Variants in TEX9 observed in about 807,000 individuals in gnomAD.
TEX9 encodes the protein testis expressed 9.
Under a neutral mutation model 59.6 loss-of-function variants are expected in TEX9, and 74 were observed. The observed-to-expected ratio is 1.24, with a 90% confidence interval of 1.03 to 1.51. The LOEUF (loss-of-function observed/expected upper bound fraction) is 1.51, where lower values mean the gene tolerates loss of function less well. Among genes scored for constraint, TEX9 ranks in the 40% most tolerant of loss-of-function variants. The probability of loss-of-function intolerance (pLI) is 0.00; values close to 1 mark genes in which losing one functional copy is unlikely to be tolerated. For synonymous variants in TEX9, 186 were observed against 152.2 expected, an observed-to-expected ratio of 1.22 and a Z score of -1.64; for missense variants, 522 against 447.8, an observed-to-expected ratio of 1.17 and a Z score of -1.49.
At chr15:56,426,626 T>TATATATATATACACAC (rs1214988827) in intron 10 of TEX9, among the ~76,000 whole-genome samples, 35 of 47,172 alleles carry the variant, frequency 7.4e-4, no homozygotes, top group Non-Finnish European at 1.6e-3. Context: ...TATATATATA[T>TATATATATATACACAC]ACACACACAC....
intron 2 of TEX9, among the ~76,000 whole-genome samples, chr15:56,371,550 C>T (rs1376609937): frequency 6.6e-6 from 1 of 151,642 alleles, no homozygotes; most frequent in Non-Finnish European, 1.5e-5. Flanking sequence ...TTTCCCTTTC[C>T]TCACATCTGC....
intron 1 of TEX9, among the ~76,000 whole-genome samples, chr15:56,318,984 G>A (rs570111692): frequency 6.6e-6 from 1 of 151,914 alleles, no homozygotes; most frequent in Admixed American, 6.6e-5. Flanking sequence ...CATCCATACT[G>A]TATTAAAGGT....
intron 12 of TEX9, chr15:56,443,976 C>G: frequency 1.3e-6 from 1 of 748,336 alleles, no homozygotes; most frequent in Non-Finnish European, 2.0e-6. Flanking sequence ...ATGCAACAAA[C>G]ATTTTGAATG....
chr15:56,256,561 G>C (rs1368233089), intron 1 of TEX9, among the ~76,000 whole-genome samples: 2 of 151,904 alleles, frequency 1.3e-5, no homozygotes, highest in Non-Finnish European at 2.9e-5. Context: ...AAAATGTTGG[G>C]GGTTGGGGTG....
intron 7 of TEX9, among the ~76,000 whole-genome samples, chr15:56,392,502 T>A (rs1268674720): frequency 6.6e-6 from 1 of 152,106 alleles, no homozygotes; most frequent in Non-Finnish European, 1.5e-5. Context: ...CATGATCCAT[T>A]CACCTCCCAC....
intron 1 of TEX9, among the ~76,000 whole-genome samples, chr15:56,302,494 T>G (rs1447202786): frequency 6.6e-6 from 1 of 152,014 alleles, no homozygotes; most frequent in Non-Finnish European, 1.5e-5. Context: ...GCACTCCAGC[T>G]TTGATAACAG....
At chr15:56,450,158 C>T (rs1285251166), downstream of TEX9, among the ~76,000 whole-genome samples, 2 of 152,122 alleles carry the variant, frequency 1.3e-5, no homozygotes, top group Non-Finnish European at 2.9e-5. Flanking sequence ...CTTTCTAATA[C>T]AGTTATTTCA....
At chr15:56,438,395 A>G (rs576599746) in intron 12 of TEX9, among the ~76,000 whole-genome samples, 22 of 152,294 alleles carry the variant, frequency 1.4e-4, no homozygotes, top group African/African-American at 5.1e-4. Context: ...CAATAGGGAA[A>G]GGAGTCCCTG....
intron 1 of TEX9, among the ~76,000 whole-genome samples, chr15:56,331,486 C>A (rs1438441281): frequency 1.3e-5 from 2 of 151,872 alleles, no homozygotes; most frequent in Admixed American, 1.3e-4. Flanking sequence ...AATCAGAAAT[C>A]AATAAGAGGA....
At chr15:56,455,544 A>G in the TEX9 span, among the ~76,000 whole-genome samples, 1 of 152,174 alleles carries the variant, frequency 6.6e-6, no homozygotes, top group Non-Finnish European at 1.5e-5. Flanking sequence ...AAAATGTAAC[A>G]ACTATCGAAG....
chr15:56,298,173 G>T (rs115078937), intron 1 of TEX9, among the ~76,000 whole-genome samples: 255 of 152,160 alleles, frequency 1.7e-3, no homozygotes, highest in African/African-American at 6.0e-3. Flanking sequence ...AAAAGTATTT[G>T]AGACAGTACC....
At chr15:56,269,238 C>T (rs943564561) in intron 1 of TEX9, among the ~76,000 whole-genome samples, 7 of 152,034 alleles carry the variant, frequency 4.6e-5, no homozygotes, top group African/African-American at 7.2e-5. Context: ...GTCTTGCTAG[C>T]GGTCTATCAA....
At chr15:56,443,847 G>A (rs1358283077) in intron 12 of TEX9, 11 of 1,594,362 alleles carry the variant, frequency 6.9e-6, no homozygotes, top group Non-Finnish European at 9.4e-6. Flanking sequence ...AACTTTTGTT[G>A]TTTTTCCCTG....
intron 2 of TEX9, among the ~76,000 whole-genome samples, chr15:56,371,245 T>C (rs2047178774): frequency 6.6e-6 from 1 of 152,222 alleles, no homozygotes; most frequent in Non-Finnish European, 1.5e-5. Flanking sequence ...CCCCTTGTTT[T>C]CTGTATCTCC....
exon 9 of TEX9, chr15:56,394,699 T>A (rs770661272): frequency 6.2e-7 from 1 of 1,608,064 alleles, no homozygotes; most frequent in South Asian, 1.1e-5. Context: ...AAGTAAAAAA[T>A]TTTGAAGAAG....
intron 1 of TEX9, among the ~76,000 whole-genome samples, chr15:56,303,363 C>A (rs1290150994): frequency 7.2e-5 from 11 of 151,956 alleles, no homozygotes; most frequent in Non-Finnish European, 1.5e-4. Flanking sequence ...AGTATCTGAC[C>A]ACAATAGAAT....
the TEX9 span, among the ~76,000 whole-genome samples, chr15:56,460,009 A>AAAAAAAAAAATATATATATATATATATAT: frequency 1.3e-3 from 34 of 26,370 alleles, 6 homozygotes; most frequent in East Asian, 2.3e-3. Flanking sequence ...AAAAAAAAAA[A>AAAAAAAAAAATATATATATATATATATAT]ATACATATAT....
intron 1 of TEX9, among the ~76,000 whole-genome samples, chr15:56,306,457 A>G (rs2045488868): frequency 6.6e-6 from 1 of 152,114 alleles, no homozygotes; most frequent in Non-Finnish European, 1.5e-5. Context: ...GTCATTTGCA[A>G]CAACATGGGT....
At chr15:56,270,162 C>T (rs1282559161) in intron 1 of TEX9, among the ~76,000 whole-genome samples, 1 of 152,166 alleles carries the variant, frequency 6.6e-6, no homozygotes, top group Non-Finnish European at 1.5e-5. Context: ...CCTATTAGGT[C>T]TGCTTGGTGC....
Sources: gnomAD v4.1 joint callset for allele counts (sites outside exome capture counted in the v4.1 genomes callset) on GRCh38, gnomAD v4.1.1 for gene constraint, MANE v1.5 for transcripts, NCBI Gene and HGNC (gene_info 2026-07-23, HGNC 2026-07-21) for gene names.